The following IQCK variants were observed in gnomAD, a reference collection of about 807,000 sequenced individuals.
IQCK encodes IQ domain-containing protein K.
In IQCK, 29 loss-of-function variants were observed where a neutral mutation model predicts 28.1. That is an observed-to-expected ratio of 1.03 (90% CI 0.77 to 1.41). The LOEUF is 1.41. IQCK is among the 40% of genes most tolerant of loss of function. The probability of loss-of-function intolerance (pLI) is 0.00; values close to 1 mark genes in which losing one functional copy is unlikely to be tolerated. For missense variants in IQCK, 359 were observed against 314.7 expected, an observed-to-expected ratio of 1.14 and a Z score of -1.07; for synonymous variants, 113 against 115.1, an observed-to-expected ratio of 0.98 and a Z score of 0.12.
intron 9 of IQCK, among the ~76,000 whole-genome samples, chr16:19,839,931 G>A (rs560747216): frequency 6.6e-6 from 1 of 152,188 alleles, no homozygotes; most frequent in South Asian, 2.1e-4. Context: ...AGGAGGTTGA[G>A]GCTGCCGTGA....
At position 19,851,645 on chromosome 16, in the gene IQCK, G is replaced by A. The variant is rs192662129; in HGVS notation, c.803-4842G>A. On this transcript the variant is annotated intron_variant, in intron 9 of 9. Coordinates refer to the IQCK transcript ENST00000320394. ...CACATTGCCTTTAATTGAAGCTGAAGGGCTGGCGTATCTCTCTCTGGGATT... is the reference window on the plus strand; with the variant it reads ...CACATTGCCTTTAATTGAAGCTGAAAGGCTGGCGTATCTCTCTCTGGGATT... Among the ~76,000 whole-genome samples, 115 of 152,252 alleles carry A rather than the reference G, an allele frequency of 7.6e-4. 1 individual carries two copies. The East Asian group carries it at 0.012, about 16-fold the overall frequency.
chr16:19,724,598 G>A (rs1445921557), intron 1 of IQCK, among the ~76,000 whole-genome samples: 1 of 151,776 alleles, frequency 6.6e-6, no homozygotes, highest in Non-Finnish European at 1.5e-5. Flanking sequence ...GTGCGATCTC[G>A]GCTCACTGCA....
rs79631764 is a variant in IQCK, at chr16:19,823,193, T to C, written c.691-3833T>C. Among the ~76,000 whole-genome samples the C allele has an allele frequency of 1.7e-3, 260 of 152,102 alleles. 4 individuals are homozygous for C. In the East Asian group the frequency reaches 0.046, roughly 27 times the overall value. On this transcript the variant is annotated intron_variant, in intron 7 of 7. Transcript: ENST00000564186. ...ATGGTAGGAAGCCCAGGGACCAAGG[T>C]AGGAAGTCCCAAGATCCAGTGGTGA...
chr16:19,829,194 A>AT (rs2056196860), downstream of IQCK, among the ~76,000 whole-genome samples: 1 of 151,804 alleles, frequency 6.6e-6, no homozygotes, highest in Admixed American at 6.6e-5. Flanking sequence ...AGCAGGCCAC[A>AT]GGCCATCATG....
intron 9 of IQCK, among the ~76,000 whole-genome samples, chr16:19,847,491 C>G (rs987434348): frequency 6.6e-6 from 1 of 152,176 alleles, no homozygotes; most frequent in African/African-American, 2.4e-5. Flanking sequence ...ACGCGGTGTC[C>G]CCTTCCCTTG....
chr16:19,722,508 C>A (rs972755020), intron 1 of IQCK, among the ~76,000 whole-genome samples: 5 of 152,186 alleles, frequency 3.3e-5, no homozygotes, highest in Non-Finnish European at 7.4e-5. Flanking sequence ...CATTCCCATT[C>A]CCTTATCAAC....
intron 7 of IQCK, among the ~76,000 whole-genome samples, chr16:19,826,420 C>G (rs1335950458): frequency 1.3e-5 from 2 of 150,782 alleles, no homozygotes; most frequent in Non-Finnish European, 3.0e-5. Context: ...CTCTTGTCGC[C>G]CAGGCTGGAG....
chr16:19,739,881 C>T (rs976156268), intron 4 of IQCK, among the ~76,000 whole-genome samples: 1 of 152,236 alleles, frequency 6.6e-6, no homozygotes. Flanking sequence ...GCATCCTATG[C>T]ACCATCTTGT....
chr16:19,838,357 G>C (rs1303461774), intron 9 of IQCK, among the ~76,000 whole-genome samples: 1 of 152,212 alleles, frequency 6.6e-6, no homozygotes, highest in African/African-American at 2.4e-5. Context: ...ATTTGGGAAA[G>C]TTTGGAGGAA....
At chr16:19,846,627 G>C (rs1406034407) in intron 9 of IQCK, among the ~76,000 whole-genome samples, 2 of 152,112 alleles carry the variant, frequency 1.3e-5, no homozygotes, top group African/African-American at 2.4e-5. Context: ...ACGTTCTCCC[G>C]GAATGCCTTG....
At chr16:19,832,893 C>T (rs2056250776) in intron 9 of IQCK, among the ~76,000 whole-genome samples, 1 of 152,074 alleles carries the variant, frequency 6.6e-6, no homozygotes, top group South Asian at 2.1e-4. Flanking sequence ...AACTCACTCA[C>T]TATCATAAGA....
At chr16:19,786,055 A>G (rs1473882767) in intron 6 of IQCK, among the ~76,000 whole-genome samples, 1 of 152,184 alleles carries the variant, frequency 6.6e-6, no homozygotes, top group Non-Finnish European at 1.5e-5. Context: ...AGTAAATATC[A>G]GCCAGTGAGA....
chr16:19,840,055 G>A (rs549119296), intron 9 of IQCK, among the ~76,000 whole-genome samples: 61 of 151,160 alleles, frequency 4.0e-4, no homozygotes, highest in African/African-American at 1.4e-3. Flanking sequence ...ATTAAGGGAA[G>A]ATATATGCTT....
At chr16:19,848,041 G>A (rs937735113) in intron 9 of IQCK, among the ~76,000 whole-genome samples, 1 of 152,178 alleles carries the variant, frequency 6.6e-6, no homozygotes, top group African/African-American at 2.4e-5. Flanking sequence ...TGTGGATTTG[G>A]AGTTGCTGGG....
rs192971484 is a variant in IQCK, at chr16:19,719,734, G to A, written c.181+1247G>A. Among the ~76,000 whole-genome samples, 1,188 of 147,876 alleles carry A rather than the reference G, an allele frequency of 8.0e-3. 9 individuals carry two copies. Among genetic ancestry groups the A allele is most frequent in the South Asian group, 0.017 (75 of 4,526 alleles). On this transcript the variant is annotated intron_variant, in intron 1 of 7. Transcript: ENST00000564186. Reference sequence around the variant, plus strand: ...CTGTCGCCCAGGCTGGAATGCAGTGGCACTGGCTGGGCTCACTGCAACCTC... The same window carrying A: ...CTGTCGCCCAGGCTGGAATGCAGTGACACTGGCTGGGCTCACTGCAACCTC...
chr16:19,782,887 A>G (rs1209286076), intron 6 of IQCK, among the ~76,000 whole-genome samples: 1 of 152,230 alleles, frequency 6.6e-6, no homozygotes, highest in Non-Finnish European at 1.5e-5. Flanking sequence ...AGAGAAAAGA[A>G]GCATGTGTAT....
intron 4 of IQCK, among the ~76,000 whole-genome samples, chr16:19,758,015 G>T (rs2055076242): frequency 6.6e-6 from 1 of 152,102 alleles, no homozygotes; most frequent in African/African-American, 2.4e-5. Context: ...TAGATTAAAA[G>T]AATATTTTTA....
At chr16:19,763,599 C>T (rs1260612084) in intron 4 of IQCK, among the ~76,000 whole-genome samples, 5 of 152,112 alleles carry the variant, frequency 3.3e-5, no homozygotes, top group African/African-American at 9.7e-5. Context: ...CCCACCACCA[C>T]GCCTGGCTAA....
At chr16:19,778,197 G>C (rs1232172514) in intron 6 of IQCK, among the ~76,000 whole-genome samples, 5 of 152,136 alleles carry the variant, frequency 3.3e-5, no homozygotes. Context: ...TTGAGGAGGG[G>C]GTTGTGGGAG....
Sources: gnomAD v4.1 joint callset for allele counts (sites outside exome capture counted in the v4.1 genomes callset) on GRCh38, gnomAD v4.1.1 for gene constraint, MANE v1.5 for transcripts, NCBI Gene and HGNC (gene_info 2026-07-23, HGNC 2026-07-21) for gene names.